The following BCHE variants were observed in gnomAD, a reference collection of about 807,000 sequenced individuals.
BCHE encodes the protein cholinesterase.
A neutral mutation model predicts 51.3 loss-of-function variants in BCHE; 48 were observed. That is an observed-to-expected ratio of 0.94 (90% CI 0.74 to 1.19). BCHE has a LOEUF of 1.19. BCHE is among the 50% of genes most tolerant of loss of function. BCHE has a pLI of 0.00. For missense variants in BCHE, 847 were observed against 708.2 expected, an observed-to-expected ratio of 1.20 and a Z score of -2.23; for synonymous variants, 251 against 238.0, an observed-to-expected ratio of 1.05 and a Z score of -0.50.
Position 165,829,801 on chromosome 3 carries a change from T to G in BCHE, c.1233A>C (p.Glu411Asp). 6.2e-7 allele frequency: 1 copy of G among 1,613,952 alleles called. No homozygotes were observed. Among genetic ancestry groups the G allele is most frequent in the Non-Finnish European group, 8.5e-7 (1 of 1,179,908 alleles). Residue 411 changes from glutamate (E) to aspartate (D), a missense_variant, in exon 2 of 4, where the codon GAA becomes GAC. By Grantham distance (45) the Glu-to-Asp change is conservative. Coordinates refer to ENST00000264381, the MANE Select transcript of BCHE (RefSeq NM_000055.4). The stretch of plus-strand genomic sequence containing the variant: ...CATCACCCAAGGCCTCACGGTAGTT[T>G]TCAGGTCTCTGATCATCTACCCAGT... Reference protein sequence around the residue: ...YTDWVDDQRPENYREALGDVV... With the variant: ...YTDWVDDQRPDNYREALGDVV...
intron 2 of BCHE, among the ~76,000 whole-genome samples, chr3:165,812,750 C>T (rs1057411375): frequency 1.2e-4 from 18 of 151,882 alleles, no homozygotes; most frequent in Non-Finnish European, 2.9e-5. Context: ...CTTCAATATT[C>T]TCTCAAAGAA....
chr3:165,780,014 C>T (rs1156381976), intron 3 of BCHE, among the ~76,000 whole-genome samples: 2 of 152,126 alleles, frequency 1.3e-5, no homozygotes, highest in Non-Finnish European at 2.9e-5. Flanking sequence ...TCAAACTATA[C>T]TACAAGGCTA....
chr3:165,828,755 T>C (rs760442029), intron 2 of BCHE, among the ~76,000 whole-genome samples: 39 of 152,168 alleles, frequency 2.6e-4, no homozygotes, highest in Admixed American at 1.8e-3. Flanking sequence ...CTTTATTTTC[T>C]ATAGATACAC....
intron 2 of BCHE, 53 bp downstream of exon 2, chr3:165,829,464 A>G (rs1302695546): frequency 2.7e-6 from 4 of 1,481,388 alleles, no homozygotes; most frequent in Non-Finnish European, 3.8e-6. Flanking sequence ...AAGCAAAGCT[A>G]AGCAAAACGG....
chr3:165,798,302 CT>C (rs1713499804), intron 2 of BCHE, among the ~76,000 whole-genome samples: 3 of 151,970 alleles, frequency 2.0e-5, no homozygotes, highest in Admixed American at 6.6e-5. Flanking sequence ...TGTATTTTCT[CT>C]TCTAAACAAC....
intron 3 of BCHE, among the ~76,000 whole-genome samples, chr3:165,784,589 G>A (rs1712867654): frequency 6.6e-6 from 1 of 151,872 alleles, no homozygotes; most frequent in South Asian, 2.1e-4. Flanking sequence ...AATAGCAGCA[G>A]CTGGCAAAAA....
Position 165,805,775 on chromosome 3 carries a change from T to C in BCHE, c.1518-19464A>G, listed in dbSNP as rs114241596. Among the ~76,000 whole-genome samples the C allele has an allele frequency of 3.1e-3, 476 of 152,322 alleles. 5 individuals are homozygous for C. Among genetic ancestry groups the C allele is most frequent in the African/African-American group, 0.011 (464 of 41,578 alleles). On this transcript the variant is annotated intron_variant, in intron 2 of 3. Coordinates refer to ENST00000264381, the MANE Select transcript of BCHE (RefSeq NM_000055.4). ...TTTCTAATTTTTAAAACACTTCTTCTTACTTTAATTTTCAGTCCGACATAC... is the reference window on the plus strand; with the variant it reads ...TTTCTAATTTTTAAAACACTTCTTCCTACTTTAATTTTCAGTCCGACATAC...
chr3:165,801,043 C>T (rs1232256467), intron 2 of BCHE, among the ~76,000 whole-genome samples: 1 of 152,086 alleles, frequency 6.6e-6, no homozygotes, highest in Non-Finnish European at 1.5e-5. Context: ...GTATTGAAAG[C>T]CAACCTTCCT....
At chr3:165,807,669 C>T (rs890684019) in intron 2 of BCHE, among the ~76,000 whole-genome samples, 2 of 151,622 alleles carry the variant, frequency 1.3e-5, no homozygotes, top group African/African-American at 4.8e-5. Context: ...ATTACCTTGC[C>T]TCAGCCTCCA....
At chr3:165,833,620 A>G (rs1182552813) in intron 1 of BCHE, among the ~76,000 whole-genome samples, 2 of 152,158 alleles carry the variant, frequency 1.3e-5, no homozygotes, top group Non-Finnish European at 2.9e-5. Context: ...AAATATAACA[A>G]TGACTTAAAG....
chr3:165,773,493 T>A lies in BCHE; in HGVS notation c.1698A>T (p.Glu566Asp). ...ATCCTGCTTTCCACTCCCATTCTGC[T>A]TCATCAATATTTCCTGTAAAATATG... ...KVLEMTGNID[E>D]AEWEWKAGFH... Residue 566 changes from glutamate (E) to aspartate (D), a missense_variant, in exon 4 of 4, where the codon GAA (glutamate) becomes GAT (aspartate). By Grantham distance (45) the Glu-to-Asp change is conservative. Transcript: ENST00000264381. The A allele has an allele frequency of 6.2e-7, 1 of 1,605,766 alleles. No individual in the cohort carries two copies. Among genetic ancestry groups the A allele is most frequent in the Middle Eastern group, 1.7e-4 (1 of 6,036 alleles).
At position 165,829,650 on chromosome 3, in the gene BCHE, T is replaced by A; in HGVS notation, c.1384A>T (p.Met462Leu). 6.2e-7 allele frequency: 1 copy of A among 1,613,834 alleles called. No homozygotes were observed. The highest frequency in any genetic ancestry group is 8.5e-7 in the Non-Finnish European group (1 of 1,179,856). ...RSSKLPWPEW[M>L]GVMHGYEIEF... ...ATTTCATAGCCATGCATCACTCCCA[T>A]CCATTCTGGCCACGGAAGTTTGGAG... The change falls in exon 2 of 4, where the codon ATG becomes TTG. Residue 462 changes from methionine (M) to leucine (L), a missense_variant. Physicochemically the swap from Met to Leu is conservative, Grantham distance 15 (BLOSUM62 2). Transcript: ENST00000264381.
At chr3:165,825,003 G>A (rs1197914311) in intron 2 of BCHE, among the ~76,000 whole-genome samples, 1 of 151,592 alleles carries the variant, frequency 6.6e-6, no homozygotes, top group Non-Finnish European at 1.5e-5. Flanking sequence ...AACTAAAATA[G>A]ACATAACTGT....
At chr3:165,774,073 C>T (rs1044383588) in intron 3 of BCHE, among the ~76,000 whole-genome samples, 9 of 151,920 alleles carry the variant, frequency 5.9e-5, no homozygotes, top group African/African-American at 2.2e-4. Context: ...CTAGATAATT[C>T]ATACCTAATA....
chr3:165,802,458 G>A (rs143041942), intron 2 of BCHE, among the ~76,000 whole-genome samples: 61 of 152,256 alleles, frequency 4.0e-4, no homozygotes, highest in African/African-American at 1.3e-3. Flanking sequence ...AAAAGAGTAG[G>A]ACCAGGGAGA....
intron 2 of BCHE, among the ~76,000 whole-genome samples, chr3:165,812,899 G>C (rs931425030): frequency 4.6e-5 from 7 of 151,916 alleles, no homozygotes; most frequent in African/African-American, 1.7e-4. Flanking sequence ...ACCAGCATTA[G>C]TTCTTCCAGA....
At chr3:165,806,250 C>T (rs1713860222) in intron 2 of BCHE, among the ~76,000 whole-genome samples, 1 of 152,116 alleles carries the variant, frequency 6.6e-6, no homozygotes, top group Admixed American at 6.5e-5. Flanking sequence ...CTCCTCACAC[C>T]TGCCTTTTTA....
chr3:165,800,864 T>A (rs992900200), intron 2 of BCHE, among the ~76,000 whole-genome samples: 2 of 152,184 alleles, frequency 1.3e-5, no homozygotes, highest in African/African-American at 4.8e-5. Flanking sequence ...TCCATCAGTT[T>A]AATGATTGGA....
chr3:165,807,550 T>TTTATTTA (rs1560013772), intron 2 of BCHE, among the ~76,000 whole-genome samples: 5 of 136,674 alleles, frequency 3.7e-5, no homozygotes, highest in African/African-American at 1.5e-4. Context: ...TTATTTATTT[T>TTTATTTA]TATTTATTTA....
Sources: gnomAD v4.1 joint callset for allele counts (sites outside exome capture counted in the v4.1 genomes callset) on GRCh38, gnomAD v4.1.1 for gene constraint, MANE v1.5 for transcripts, NCBI Gene and HGNC (gene_info 2026-07-23, HGNC 2026-07-21) for gene names.